The following VWC2L variants were observed in gnomAD, a reference collection of about 807,000 sequenced individuals.
The protein encoded by VWC2L is von Willebrand factor C domain-containing protein 2-like.
VWC2L carries 10 observed loss-of-function variants against 21.6 expected under a neutral mutation model. That is an observed-to-expected ratio of 0.46 (90% confidence interval 0.29 to 0.78). The LOEUF (loss-of-function observed/expected upper bound fraction) is 0.78. Ranked by LOEUF, VWC2L falls within the 30% of genes least tolerant of loss-of-function variation. The pLI, the probability that VWC2L is intolerant of heterozygous loss-of-function variation, is 0.10. For missense variants in VWC2L, 209 were observed against 277.1 expected (o/e 0.75, Z 1.74); for synonymous variants, 96 against 94.3 (o/e 1.02, Z -0.10).
chr2:214,487,499 C>T (rs1409663455), intron 3 of VWC2L, among the ~76,000 whole-genome samples: 1 of 152,020 alleles, frequency 6.6e-6, no homozygotes, highest in Non-Finnish European at 1.5e-5. Flanking sequence ...AGTGGCATGC[C>T]CAATGTGCCA....
In VWC2L at chr2:214,414,428, G is replaced by A. The variant is rs1311872498; in HGVS notation, c.235G>A (p.Ala79Thr). The A allele has an allele frequency of 3.7e-6, 6 of 1,613,520 alleles. No homozygotes were observed. Among genetic ancestry groups the A allele is most frequent in the Non-Finnish European group, 5.1e-6 (6 of 1,179,652 alleles). Residue 79 changes from alanine (A) to threonine (T), a missense_variant, in exon 2 of 4, where the codon GCT (alanine) becomes ACT (threonine). Physicochemically the swap from Ala to Thr is moderately conservative, Grantham distance 58 (BLOSUM62 0). Coordinates refer to ENST00000312504, the MANE Select transcript of VWC2L (RefSeq NM_001080500.4). Reference protein sequence around the residue: ...PGHSNCPCVCALDGPVCDQPE... With the variant: ...PGHSNCPCVCTLDGPVCDQPE... ...GCATTCCAACTGTCCATGTGTCTGTGCTCTAGATGGACCTGTTTGCGACCA... is the reference window on the plus strand; with the variant it reads ...GCATTCCAACTGTCCATGTGTCTGTACTCTAGATGGACCTGTTTGCGACCA...
rs543599940 is a variant in VWC2L, at chr2:214,543,239, C to T, written c.521-32433C>T. On this transcript the variant is annotated intron_variant, in intron 3 of 3. Coordinates refer to ENST00000312504, the MANE Select transcript of VWC2L (RefSeq NM_001080500.4). ...ATGGTTTCATTAACACATGTTCAAA[C>T]GTAACTTTCAACCTAGCCAAGATTT... Among the ~76,000 whole-genome samples the T allele has an allele frequency of 3.9e-4, 59 of 152,296 alleles. 1 individual carries two copies. In the South Asian group the frequency reaches 0.01, roughly 27 times the overall value.
At chr2:214,547,047 G>T (rs1393391338) in intron 3 of VWC2L, among the ~76,000 whole-genome samples, 1 of 152,132 alleles carries the variant, frequency 6.6e-6, no homozygotes, top group African/African-American at 2.4e-5. Flanking sequence ...GAGACAGAGA[G>T]CAAAGTACAA....
At chr2:214,530,886 A>G (rs941206199) in intron 3 of VWC2L, among the ~76,000 whole-genome samples, 1 of 152,222 alleles carries the variant, frequency 6.6e-6, no homozygotes, top group Non-Finnish European at 1.5e-5. Context: ...TTAAACAGCA[A>G]TATTAACTTT....
At chr2:214,539,423 C>T (rs1295300391) in intron 3 of VWC2L, among the ~76,000 whole-genome samples, 1 of 152,094 alleles carries the variant, frequency 6.6e-6, no homozygotes, top group African/African-American at 2.4e-5. Flanking sequence ...GTATAGTTAT[C>T]ACTGCTAGCT....
At chr2:214,516,564 T>A (rs563553830) in intron 3 of VWC2L, among the ~76,000 whole-genome samples, 1 of 152,126 alleles carries the variant, frequency 6.6e-6, no homozygotes, top group South Asian at 2.1e-4. Flanking sequence ...TCTTTTAATC[T>A]AAAGAGTGCA....
chr2:214,498,759 T>C (rs1010049819), intron 3 of VWC2L, among the ~76,000 whole-genome samples: 2 of 148,746 alleles, frequency 1.3e-5, no homozygotes, highest in African/African-American at 4.9e-5. Flanking sequence ...TGTATATATA[T>C]TATACATACA....
At chr2:214,522,578 A>G (rs1689262567) in intron 3 of VWC2L, among the ~76,000 whole-genome samples, 1 of 152,106 alleles carries the variant, frequency 6.6e-6, no homozygotes, top group Non-Finnish European at 1.5e-5. Context: ...TGAGGTATCC[A>G]TCCCTAATTC....
chr2:214,444,350 A>C lies in VWC2L; in HGVS notation c.520+7592A>C, dbSNP rs552131644. Among the ~76,000 whole-genome samples the C allele has an allele frequency of 5.9e-5, 9 of 152,178 alleles. 1 individual carries two copies. In the South Asian group the frequency reaches 1.9e-3, roughly 32 times the overall value. Reference sequence around the variant, plus strand: ...CTTTAAAATGGGCCAAAAACTTCAAAAGACATTCCAGAGAAAATGAATAAA... The same window carrying C: ...CTTTAAAATGGGCCAAAAACTTCAACAGACATTCCAGAGAAAATGAATAAA... On this transcript the variant is annotated intron_variant, in intron 3 of 3. Coordinates refer to ENST00000312504, the MANE Select transcript of VWC2L (RefSeq NM_001080500.4).
chr2:214,505,721 C>T (rs183202351), intron 3 of VWC2L, among the ~76,000 whole-genome samples: 2 of 151,846 alleles, frequency 1.3e-5, no homozygotes, highest in African/African-American at 4.8e-5. Flanking sequence ...TGTTCTGGCC[C>T]TGTATTCAAT....
At chr2:214,432,503 T>G (rs985989996) in intron 2 of VWC2L, among the ~76,000 whole-genome samples, 1 of 152,218 alleles carries the variant, frequency 6.6e-6, no homozygotes, top group Non-Finnish European at 1.5e-5. Flanking sequence ...GAAAATGGGT[T>G]CGTTGCTTTT....
intron 3 of VWC2L, among the ~76,000 whole-genome samples, chr2:214,457,236 C>G (rs1703070486): frequency 6.6e-6 from 1 of 152,028 alleles, no homozygotes; most frequent in Non-Finnish European, 1.5e-5. Flanking sequence ...CCTAGACAGG[C>G]TTTTGGTGGG....
chr2:214,454,132 T>C (rs773165849), intron 3 of VWC2L, among the ~76,000 whole-genome samples: 26 of 152,162 alleles, frequency 1.7e-4, no homozygotes, highest in Non-Finnish European at 2.8e-4. Context: ...TCTGAAACGT[T>C]GTTAAACTCA....
intron 2 of VWC2L, among the ~76,000 whole-genome samples, chr2:214,427,145 GCA>G (rs1702535916): frequency 6.6e-6 from 1 of 152,124 alleles, no homozygotes. Flanking sequence ...TCTTAGAAAT[GCA>G]CACTCTCTAA....
intron 3 of VWC2L, among the ~76,000 whole-genome samples, chr2:214,441,027 G>C (rs1294479941): frequency 3.3e-5 from 5 of 152,256 alleles, no homozygotes; most frequent in Admixed American, 1.3e-4. Context: ...TAAGTTTTCA[G>C]TTCCTTTCAA....
intron 3 of VWC2L, among the ~76,000 whole-genome samples, chr2:214,467,570 T>TCA (rs1038058882): frequency 1.3e-5 from 2 of 152,300 alleles, no homozygotes; most frequent in Non-Finnish European, 2.9e-5. Flanking sequence ...AATCATTGTT[T>TCA]TATATATATT....
chr2:214,428,320 C>G (rs1559287873), intron 2 of VWC2L, among the ~76,000 whole-genome samples: 2 of 152,154 alleles, frequency 1.3e-5, no homozygotes, highest in Non-Finnish European at 2.9e-5. Context: ...AGTAACCTGT[C>G]CAAGGTAGAA....
intron 3 of VWC2L, among the ~76,000 whole-genome samples, chr2:214,450,764 G>A (rs114403826): frequency 2.5e-3 from 374 of 152,188 alleles, no homozygotes; most frequent in African/African-American, 8.7e-3. Context: ...GATGACACCT[G>A]CTGAGGGGAA....
chr2:214,424,466 C>G (rs1186524391), intron 2 of VWC2L, among the ~76,000 whole-genome samples: 1 of 152,104 alleles, frequency 6.6e-6, no homozygotes, highest in African/African-American at 2.4e-5. Context: ...TACCACTTAC[C>G]AGCCAACTGA....
Sources: allele counts gnomAD v4.1 joint callset (sites outside exome capture counted in the v4.1 genomes callset), GRCh38; gene constraint gnomAD v4.1.1; transcripts MANE v1.5; gene names NCBI Gene and HGNC (gene_info 2026-07-23, HGNC 2026-07-21).